SKI: variants seen among roughly 807,000 people sequenced by gnomAD.
SKI encodes the protein SKI proto-oncogene.
A neutral mutation model predicts 59.3 loss-of-function variants in SKI; 23 were observed. The observed-to-expected ratio is 0.39, with a 90% confidence interval of 0.28 to 0.55. The LOEUF (loss-of-function observed/expected upper bound fraction) is 0.55, where lower values mean the gene tolerates loss of function less well. Among genes scored for constraint, SKI ranks in the 20% least tolerant of loss-of-function variants. The pLI is 0.67. For missense variants in SKI, 1,017 were observed against 1,038.9 expected, an observed-to-expected ratio of 0.98 and a Z score of 0.29; for synonymous variants, 673 against 488.6, an observed-to-expected ratio of 1.38 and a Z score of -4.98.
At chr1:2,241,401 T>G (rs1014777405) in intron 1 of SKI, among the ~76,000 whole-genome samples, 1 of 152,136 alleles carries the variant, frequency 6.6e-6, no homozygotes, top group Non-Finnish European at 1.5e-5. Context: ...TTGTAATTTT[T>G]TTTTTCTTTG....
chr1:2,248,601 T>C (rs947934387), intron 1 of SKI, among the ~76,000 whole-genome samples: 5 of 152,212 alleles, frequency 3.3e-5, no homozygotes, highest in African/African-American at 1.2e-4. Context: ...GGCGGCGCTC[T>C]GCGCTGGTTC....
rs750687674 is a variant in SKI at position 2,229,710 on chromosome 1, A to G, written c.944A>G (p.Asn315Ser). The part of the protein sequence containing the change: ...DDVKEKFDYG[N>S]KYKRRVPRVS... ...GTGAAGGAGAAATTCGACTATGGCAACAAGTACAAGCGGCGGGTGCCCCGG... is the reference window on the plus strand; with the variant it reads ...GTGAAGGAGAAATTCGACTATGGCAGCAAGTACAAGCGGCGGGTGCCCCGG... The change falls in exon 1 of 7, where the codon AAC becomes AGC. Residue 315 changes from asparagine (N) to serine (S), a missense_variant. Transcript: ENST00000378536. This position sits in a 1 kb window ranked among gnomAD's most constrained non-coding sequence, Gnocchi z 6.3. The G allele has an allele frequency of 1.9e-6, 3 of 1,582,356 alleles. No individual in the cohort carries two copies. The highest frequency in any genetic ancestry group is 1.4e-5 in the African/African-American group (1 of 74,070).
At chr1:2,242,292 G>A (rs1003301347) in intron 1 of SKI, among the ~76,000 whole-genome samples, 3 of 152,196 alleles carry the variant, frequency 2.0e-5, no homozygotes, top group East Asian at 1.9e-4. Context: ...CAGAACAGCC[G>A]AGAAGAGTGC....
At chr1:2,305,288 A>G (rs574586555) in intron 5 of SKI, among the ~76,000 whole-genome samples, 131 of 152,254 alleles carry the variant, frequency 8.6e-4, no homozygotes, top group Middle Eastern at 3.4e-3. Context: ...CTGCCTGGGG[A>G]GAGAGGTGTG....
chr1:2,242,135 C>T (rs528480164), intron 1 of SKI, among the ~76,000 whole-genome samples: 1 of 152,326 alleles, frequency 6.6e-6, no homozygotes, highest in African/African-American at 2.4e-5. Context: ...TAGAGACCGT[C>T]GGTGACCTTC....
intron 1 of SKI, among the ~76,000 whole-genome samples, chr1:2,294,661 G>A (rs1383649610): frequency 6.6e-6 from 1 of 152,236 alleles, no homozygotes; most frequent in Non-Finnish European, 1.5e-5. Flanking sequence ...GGTTGCCAGG[G>A]ATGGCTATGC....
chr1:2,305,355 T>C (rs947841524), intron 5 of SKI, among the ~76,000 whole-genome samples: 1 of 152,138 alleles, frequency 6.6e-6, no homozygotes, highest in Non-Finnish European at 1.5e-5. Flanking sequence ...CTCGGCGGCG[T>C]CTGGCAGCTT....
chr1:2,263,153 G>A (rs1020824504), intron 1 of SKI, among the ~76,000 whole-genome samples: 2 of 151,862 alleles, frequency 1.3e-5, no homozygotes, highest in Admixed American at 1.3e-4. Context: ...TGTCTGCCTC[G>A]GCCTCCCAAA....
chr1:2,267,733 C>A lies in SKI; in HGVS notation c.970-35245C>A, dbSNP rs1288166063. Among the ~76,000 whole-genome samples the A allele has an allele frequency of 6.6e-6, 1 of 152,208 alleles. No individual in the cohort carries two copies. The highest frequency in any genetic ancestry group is 1.5e-5 in the Non-Finnish European group (1 of 68,024). On this transcript the variant is annotated intron_variant, in intron 1 of 6. Coordinates refer to ENST00000378536, the MANE Select transcript of SKI (RefSeq NM_003036.4). The surrounding 1 kb of genome is among the most constrained non-coding windows in gnomAD (Gnocchi z 4.1). The stretch of plus-strand genomic sequence containing the variant: ...CTTCAGGAAACGCAGCTGGGACATC[C>A]TGAGGTGTGTGAGGCTGATGCATGG...
At chr1:2,257,379 T>TA (rs1639295555) in intron 1 of SKI, among the ~76,000 whole-genome samples, 1 of 152,262 alleles carries the variant, frequency 6.6e-6, no homozygotes, top group Non-Finnish European at 1.5e-5. Context: ...GGATGGCTCT[T>TA]ATGCAGACGT....
chr1:2,233,234 TG>T lies in SKI; in HGVS notation c.969+3507del, dbSNP rs367594233. On this transcript the variant is annotated intron_variant, in intron 1 of 6. Transcript: ENST00000378536. ...GGGGTTTCTGTTCCAACAGGGCTGG[TG>T]GGGGGGGTCCTGTTCCCAGAGGTCC... Among the ~76,000 whole-genome samples, 9 of 77,080 alleles carry T rather than the reference TG, an allele frequency of 1.2e-4. No homozygotes were observed. The East Asian group carries it at 1.3e-3, about 11-fold the overall frequency. The allele number at this position is 77,080 out of a possible 152,430, so 50.6% of individuals were successfully genotyped here.
At chr1:2,298,033 A>G (rs1640329196) in intron 1 of SKI, among the ~76,000 whole-genome samples, 1 of 152,274 alleles carries the variant, frequency 6.6e-6, no homozygotes, top group East Asian at 1.9e-4. Flanking sequence ...CCGGGTGGTC[A>G]TGGGCCGAGC....
intron 1 of SKI, among the ~76,000 whole-genome samples, chr1:2,271,616 GC>G (rs2100854919): frequency 6.6e-6 from 1 of 151,930 alleles, no homozygotes; most frequent in South Asian, 2.1e-4. Context: ...CGCTGCTCTC[GC>G]CCCTCGGGAA....
intron 1 of SKI, among the ~76,000 whole-genome samples, chr1:2,302,771 C>G (rs1008028879): frequency 3.3e-5 from 5 of 152,224 alleles, no homozygotes; most frequent in Admixed American, 6.5e-5. Context: ...ACAGCCTCCA[C>G]GTGCCTGTTG....
intron 1 of SKI, among the ~76,000 whole-genome samples, chr1:2,246,407 A>C (rs375117213): frequency 6.6e-6 from 1 of 151,558 alleles, no homozygotes; most frequent in African/African-American, 2.4e-5. Context: ...GTCTTTATCT[A>C]CTCTGGTTAG....
Position 2,228,776 on chromosome 1 carries a change from GC to G in SKI, c.11del (p.Ala4GlyfsTer23). 1 of 1,284,644 alleles carries G rather than the reference GC, an allele frequency of 7.8e-7. No homozygotes were observed. 79.6% of individuals were successfully genotyped at this position (1,284,644 alleles called of 1,614,324 possible). A position where few individuals can be genotyped will look rare whatever the true frequency, so the allele number is the denominator to read the frequency against. ...GGAGCCGGAGCGCACCATGGAGGCGGCGGCAGGCGGCCGCGGCTGTTTCCAG... is the reference window on the plus strand; with the variant it reads ...GGAGCCGGAGCGCACCATGGAGGCGGGGCAGGCGGCCGCGGCTGTTTCCAG... MEA[A>X]AGGRGCFQPH... On this transcript the variant is annotated frameshift_variant, in exon 1 of 7. Transcript: ENST00000378536. LOFTEE classifies it high-confidence loss of function.
Position 2,267,892 on chromosome 1 carries a change from C to T in SKI, c.970-35086C>T, listed in dbSNP as rs893253703. ...TGGTTCCAGGTCACAGCTTGAACCT[C>T]AGGCCACCTCCAGTGGGAGGCTGGA... is the stretch of plus-strand genomic sequence containing the variant. On this transcript the variant is annotated intron_variant, in intron 1 of 6. Transcript: ENST00000378536. The surrounding 1 kb of genome is among the most constrained non-coding windows in gnomAD (Gnocchi z 4.1). Among the ~76,000 whole-genome samples, 3 of 152,226 alleles carry T rather than the reference C, an allele frequency of 2.0e-5. No individual in the cohort carries two copies. Among genetic ancestry groups the T allele is most frequent in the African/African-American group, 7.2e-5 (3 of 41,464 alleles).
intron 1 of SKI, among the ~76,000 whole-genome samples, chr1:2,240,333 A>C (rs1638842183): frequency 6.6e-6 from 1 of 152,190 alleles, no homozygotes; most frequent in African/African-American, 2.4e-5. Flanking sequence ...GCCTGGAGGA[A>C]CGTGGGAGGG....
intron 1 of SKI, among the ~76,000 whole-genome samples, chr1:2,259,316 G>T (rs1639335238): frequency 6.6e-6 from 1 of 152,202 alleles, no homozygotes; most frequent in South Asian, 2.1e-4. Flanking sequence ...GAAAACACTT[G>T]CAGGTTCCTG....
Sources: gnomAD v4.1 joint callset for allele counts (sites outside exome capture counted in the v4.1 genomes callset) on GRCh38, gnomAD v4.1.1 for gene constraint, Gnocchi (gnomAD v3.1) non-coding constraint, MANE v1.5 for transcripts, NCBI Gene and HGNC (gene_info 2026-07-23, HGNC 2026-07-21) for gene names.